The following SYT1 variants were observed in gnomAD, a reference collection of about 807,000 sequenced individuals.
The protein encoded by SYT1 is synaptotagmin 1.
SYT1 carries 8 observed loss-of-function variants against 44.8 expected under a neutral mutation model. That is an observed-to-expected ratio of 0.18 (90% CI 0.10 to 0.32). SYT1 has a LOEUF of 0.32. Among genes scored for constraint, SYT1 ranks in the 10% least tolerant of loss-of-function variants. The pLI, the probability that SYT1 is intolerant of heterozygous loss-of-function variation, is 1.00. For missense variants in SYT1, 286 were observed against 509.3 expected, an observed-to-expected ratio of 0.56 and a Z score of 4.22; for synonymous variants, 154 against 188.8, an observed-to-expected ratio of 0.82 and a Z score of 1.51.
chr12:79,015,480 T>C lies in SYT1; in HGVS notation c.-83-31817T>C, dbSNP rs200728610. On this transcript the variant is annotated intron_variant, in intron 2 of 10. Transcript: ENST00000261205. ...TTGACAATTTGTTTTATCTGATTCA[T>C]ATTGTTGATGTCTGTATCACTTACT... Among the ~76,000 whole-genome samples the C allele has an allele frequency of 5.5e-3, 835 of 152,286 alleles. 33 individuals are homozygous for C. The highest frequency in any genetic ancestry group is 4.6e-3 in the East Asian group (24 of 5,184).
chr12:79,202,127 A>G (rs559741452), intron 3 of SYT1, among the ~76,000 whole-genome samples: 1 of 152,312 alleles, frequency 6.6e-6, no homozygotes. Flanking sequence ...GCTCCAAATC[A>G]GAAACTATAT....
rs763524667 is a variant in SYT1, at chr12:79,123,308, A to AGTGTGTGTGTGTGTGTGTGTGT, written c.-18+75946_-18+75947insGTGTGTGTGTGTGTGTGTGTGT. Among the ~76,000 whole-genome samples, 65 of 96,532 alleles carry AGTGTGTGTGTGTGTGTGTGTGT rather than the reference A, an allele frequency of 6.7e-4. 1 individual carries two copies. The highest frequency in any genetic ancestry group is 4.7e-3 in the Middle Eastern group (1 of 214). The allele number at this position is 96,532 out of a possible 152,430, so 63.3% of individuals were successfully genotyped here. A position where few individuals can be genotyped will look rare whatever the true frequency, so the allele number is the denominator to read the frequency against. ...CTGTTACATGTATCTCTAAAAATGC[A>AGTGTGTGTGTGTGTGTGTGTGT]ATGTGTGTGTGTGTGTGTGTGTGTG... On this transcript the variant is annotated intron_variant, in intron 3 of 10. Transcript: ENST00000261205.
At chr12:79,114,357 C>T (rs1879168500) in intron 3 of SYT1, among the ~76,000 whole-genome samples, 1 of 152,018 alleles carries the variant, frequency 6.6e-6, no homozygotes, top group African/African-American at 2.4e-5. Flanking sequence ...CTAAGCAAAC[C>T]CTGGTACATG....
chr12:78,973,431 G>A (rs1046412708), intron 1 of SYT1, among the ~76,000 whole-genome samples: 6 of 151,972 alleles, frequency 3.9e-5, no homozygotes, highest in East Asian at 1.9e-4. Flanking sequence ...CCTGATAACC[G>A]CCATTCTATG....
chr12:79,126,239 TTTTTG>T (rs540075954), intron 3 of SYT1, among the ~76,000 whole-genome samples: 154 of 152,070 alleles, frequency 1.0e-3, no homozygotes, highest in Middle Eastern at 6.8e-3. Flanking sequence ...ATAAAAGTGG[TTTTTG>T]TTTTGTTTTG....
chr12:79,291,920 C>T, intron 5 of SYT1, 88 bp from the exon 6 acceptor site: 1 of 1,513,790 alleles, frequency 6.6e-7, no homozygotes, highest in Non-Finnish European at 9.2e-7. Flanking sequence ...TTGCTTCGAA[C>T]AGCTTGGAAG....
At chr12:79,196,113 A>G (rs1176542574) in intron 3 of SYT1, among the ~76,000 whole-genome samples, 2 of 152,224 alleles carry the variant, frequency 1.3e-5, no homozygotes, top group East Asian at 3.9e-4. Context: ...CACTAATAGC[A>G]ATAAAATGTA....
At position 79,449,128 on chromosome 12, in the gene SYT1, A is replaced by G. The variant is rs1355520124; in HGVS notation, c.*4A>G. ...CATGCTGGCCGTCAAGAAGTAAAGGAAAGAAGAAGCCTTTCTGCATTTGCC... is the reference window on the plus strand; with the variant it reads ...CATGCTGGCCGTCAAGAAGTAAAGGGAAGAAGAAGCCTTTCTGCATTTGCC... On this transcript the variant is annotated 3_prime_UTR_variant, in exon 11 of 11. Transcript: ENST00000261205. The G allele has an allele frequency of 3.7e-6, 6 of 1,600,708 alleles. No individual in the cohort carries two copies. The Admixed American group carries it at 1.0e-4, about 28-fold the overall frequency.
chr12:79,030,079 A>G (rs1312741043), intron 2 of SYT1, among the ~76,000 whole-genome samples: 1 of 151,202 alleles, frequency 6.6e-6, no homozygotes, highest in Non-Finnish European at 1.5e-5. Context: ...AAAATTCTAC[A>G]TACTTCATAA....
chr12:78,933,480 A>G (rs938423234), intron 1 of SYT1, among the ~76,000 whole-genome samples: 2 of 152,190 alleles, frequency 1.3e-5, no homozygotes, highest in Non-Finnish European at 2.9e-5. Flanking sequence ...AGTAGTAAAA[A>G]TAATTTGATT....
chr12:79,259,645 G>T (rs1387800298), intron 4 of SYT1, among the ~76,000 whole-genome samples: 1 of 152,116 alleles, frequency 6.6e-6, no homozygotes, highest in Non-Finnish European at 1.5e-5. Context: ...GAGGCAGGAG[G>T]ATCTCTTGAG....
chr12:79,330,780 T>A (rs774100489), intron 8 of SYT1, among the ~76,000 whole-genome samples: 18 of 152,186 alleles, frequency 1.2e-4, no homozygotes, highest in Non-Finnish European at 2.4e-4. Context: ...TAGGTACTAT[T>A]ATCATTTGGA....
intron 8 of SYT1, among the ~76,000 whole-genome samples, chr12:79,315,998 TTTC>T (rs1179641782): frequency 3.9e-5 from 6 of 152,242 alleles, no homozygotes; most frequent in African/African-American, 1.4e-4. Context: ...TCCAGACCTT[TTTC>T]CTACTAACAT....
chr12:79,076,830 A>G (rs1876689944), intron 3 of SYT1, among the ~76,000 whole-genome samples: 1 of 152,146 alleles, frequency 6.6e-6, no homozygotes, highest in Non-Finnish European at 1.5e-5. Flanking sequence ...TTGGCTGGGC[A>G]TGGTGGCACG....
chr12:79,413,905 C>A (rs1489924929), intron 9 of SYT1, among the ~76,000 whole-genome samples: 1 of 152,166 alleles, frequency 6.6e-6, no homozygotes, highest in Non-Finnish European at 1.5e-5. Context: ...AACCATAACT[C>A]TCTTTTCCTC....
At chr12:79,127,398 C>A (rs943871416) in intron 3 of SYT1, among the ~76,000 whole-genome samples, 1 of 151,636 alleles carries the variant, frequency 6.6e-6, no homozygotes, top group African/African-American at 2.4e-5. Context: ...GCAGTTCTTA[C>A]GAAACAGATT....
At chr12:78,982,457 T>A (rs1400126006) in intron 2 of SYT1, among the ~76,000 whole-genome samples, 1 of 152,076 alleles carries the variant, frequency 6.6e-6, no homozygotes, top group East Asian at 1.9e-4. Context: ...TTGAAGAAAG[T>A]TATTTAGAGG....
intron 3 of SYT1, among the ~76,000 whole-genome samples, chr12:79,216,925 T>C (rs907726642): frequency 6.6e-6 from 1 of 152,068 alleles, no homozygotes; most frequent in African/African-American, 2.4e-5. Context: ...AAAAAGTGAC[T>C]GGGGTGAAAA....
At chr12:79,314,873 A>G (rs1407264225) in intron 8 of SYT1, among the ~76,000 whole-genome samples, 2 of 152,220 alleles carry the variant, frequency 1.3e-5, no homozygotes, top group African/African-American at 4.8e-5. Context: ...ACAATAGAAA[A>G]TTACTTAGCT....
Sources: gnomAD v4.1 joint callset for allele counts (sites outside exome capture counted in the v4.1 genomes callset) on GRCh38, gnomAD v4.1.1 for gene constraint, MANE v1.5 for transcripts, NCBI Gene and HGNC (gene_info 2026-07-23, HGNC 2026-07-21) for gene names.